KANSL1: variants seen among roughly 807,000 people sequenced by gnomAD.
KANSL1 encodes the protein MLL1/MLL complex subunit KANSL1.
A neutral mutation model predicts 103.6 loss-of-function variants in KANSL1; 22 were observed. That is an observed-to-expected ratio of 0.21 (90% CI 0.15 to 0.30). The LOEUF is 0.30. Among genes scored for constraint, KANSL1 ranks in the 10% least tolerant of loss-of-function variants. KANSL1 has a pLI of 1.00. For synonymous variants in KANSL1, 600 were observed against 527.6 expected, an observed-to-expected ratio of 1.14 and a Z score of -1.88; for missense variants, 1,337 against 1,399.8, an observed-to-expected ratio of 0.96 and a Z score of 0.72.
chr17:46,042,290 G>A (rs2077354178), intron 7 of KANSL1: 1 of 152,196 alleles, frequency 6.6e-6, no homozygotes, highest in African/African-American at 2.4e-5. Flanking sequence ...AGGATAAGAA[G>A]GCAGGGAAGA....
chr17:46,142,303 T>C (rs2044462320), intron 2 of KANSL1, among the ~76,000 whole-genome samples: 1 of 152,246 alleles, frequency 6.6e-6, no homozygotes, highest in Non-Finnish European at 1.5e-5. Flanking sequence ...TAAATATCTC[T>C]GCTTCAAAGA....
At chr17:46,124,465 TATC>T (rs1292991164) in intron 2 of KANSL1, among the ~76,000 whole-genome samples, 2 of 152,254 alleles carry the variant, frequency 1.3e-5, no homozygotes, top group African/African-American at 4.8e-5. Context: ...TAAATCCTGT[TATC>T]ATGCCTGTTA....
intron 2 of KANSL1, among the ~76,000 whole-genome samples, chr17:46,129,711 T>C (rs148472358): frequency 9.2e-5 from 14 of 152,298 alleles, no homozygotes; most frequent in Admixed American, 2.6e-4. Flanking sequence ...CTCTAAGTAT[T>C]TGCAAAATTG....
intron 2 of KANSL1, among the ~76,000 whole-genome samples, chr17:46,139,070 T>A (rs2044290811): frequency 6.6e-6 from 1 of 152,206 alleles, no homozygotes; most frequent in African/African-American, 2.4e-5. Flanking sequence ...TGCCAATTCA[T>A]TAAAAAGGAA....
intron 10 of KANSL1, chr17:46,037,427 AG>A (rs1172711435): frequency 6.6e-6 from 1 of 152,254 alleles, no homozygotes; most frequent in East Asian, 1.9e-4. Flanking sequence ...ACCTGATCAC[AG>A]GAGCCTAGTG....
chr17:46,070,244 C>A (rs959102799), intron 4 of KANSL1, among the ~76,000 whole-genome samples: 2 of 151,722 alleles, frequency 1.3e-5, no homozygotes, highest in Non-Finnish European at 2.9e-5. Flanking sequence ...TTGTGGTACA[C>A]CAAATCAAAA....
chr17:46,114,460 C>G (rs2042957125), intron 2 of KANSL1, among the ~76,000 whole-genome samples: 1 of 152,190 alleles, frequency 6.6e-6, no homozygotes. Flanking sequence ...TAAAGATTCC[C>G]TAACATGCAG....
Position 46,155,413 on chromosome 17 carries a change from C to G in KANSL1, c.1289+15442G>C, listed in dbSNP as rs1597823481. On this transcript the variant is annotated intron_variant, in intron 2 of 14. Coordinates refer to ENST00000432791, the MANE Select transcript of KANSL1 (RefSeq NM_015443.4). ...CCTCAAATGATTCGCCCACCTCGGCCTCCCAAAGTGCTGAGATTACAGGTG... is the reference window on the plus strand; with the variant it reads ...CCTCAAATGATTCGCCCACCTCGGCGTCCCAAAGTGCTGAGATTACAGGTG... Among the ~76,000 whole-genome samples, 4 of 152,192 alleles carry G rather than the reference C, an allele frequency of 2.6e-5. No homozygotes were observed. In the South Asian group the frequency reaches 8.3e-4, roughly 31 times the overall value.
chr17:46,096,302 C>CTTTTTTTTT (rs1273083741), intron 2 of KANSL1, among the ~76,000 whole-genome samples: 1 of 82,566 alleles, frequency 1.2e-5, no homozygotes, highest in East Asian at 5.9e-4. Flanking sequence ...ACATACCTGG[C>CTTTTTTTTT]TTTTTTTTCT....
In KANSL1 at chr17:46,105,865, TCACACACACA is replaced by T. The variant is rs373943708; in HGVS notation, c.1290-11174_1290-11165del. On this transcript the variant is annotated intron_variant, in intron 2 of 14. Coordinates refer to ENST00000432791, the MANE Select transcript of KANSL1 (RefSeq NM_015443.4). The stretch of plus-strand genomic sequence containing the variant: ...CAGCCTGGGCAGCACAGCAAGACCT[TCACACACACA>T]CACACACACACACACACAGAGCAAG... Among the ~76,000 whole-genome samples the T allele has an allele frequency of 3.3e-3, 443 of 134,604 alleles. 2 individuals are homozygous for T. The highest frequency in any genetic ancestry group is 4.7e-3 in the Non-Finnish European group (298 of 63,966). The allele number at this position is 134,604 out of a possible 152,430, so 88.3% of individuals were successfully genotyped here.
chr17:46,107,360 G>A (rs2042612375), intron 2 of KANSL1, among the ~76,000 whole-genome samples: 1 of 152,120 alleles, frequency 6.6e-6, no homozygotes, highest in Non-Finnish European at 1.5e-5. Flanking sequence ...TTGCACCAAA[G>A]CTGCTGGTCA....
intron 4 of KANSL1, among the ~76,000 whole-genome samples, chr17:46,080,312 TAAAA>T (rs35520207): frequency 2.0e-3 from 153 of 77,770 alleles, no homozygotes; most frequent in African/African-American, 6.6e-3. Flanking sequence ...GAGCCTGTCT[TAAAA>T]AAAAAAAAAA....
intron 2 of KANSL1, among the ~76,000 whole-genome samples, chr17:46,128,788 T>C (rs1224758718): frequency 1.3e-5 from 2 of 152,164 alleles, no homozygotes; most frequent in Non-Finnish European, 2.9e-5. Context: ...CAGACAGAAC[T>C]TGGATCCTCT....
intron 6 of KANSL1, among the ~76,000 whole-genome samples, chr17:46,054,293 A>T (rs1466946421): frequency 6.6e-6 from 1 of 152,148 alleles, no homozygotes; most frequent in Non-Finnish European, 1.5e-5. Context: ...ACCTCAGATG[A>T]TCCACCCGTA....
chr17:46,144,756 T>TGATGATA lies in KANSL1; in HGVS notation c.1289+26098_1289+26099insTATCATC, dbSNP rs1355801800. ...AGTAGTGATGATTTTGCTTTTTCAG[T>TGATGATA]CCCCTCCTCACAAACAAATGATGAT... is the stretch of plus-strand genomic sequence containing the variant. On this transcript the variant is annotated intron_variant, in intron 2 of 14. Coordinates refer to ENST00000432791, the MANE Select transcript of KANSL1 (RefSeq NM_015443.4). Among the ~76,000 whole-genome samples the TGATGATA allele has an allele frequency of 7.4e-3, 1,132 of 152,248 alleles. 22 individuals are homozygous for TGATGATA. Among genetic ancestry groups the TGATGATA allele is most frequent in the African/African-American group, 0.026 (1,068 of 41,512 alleles).
rs2046383971 is a variant in KANSL1 at position 46,173,550 on chromosome 17, TC to T, written c.-89-1319del. 4.6e-5 allele frequency among the ~76,000 whole-genome samples: 7 copies of T among 152,238 alleles called. No individual in the cohort carries two copies. In the South Asian group the frequency reaches 1.4e-3, roughly 31 times the overall value. ...TGTGGTCTCTGGACTTCTGGGGATC[TC>T]ACAGGCTATTTTGGAGGTTCGTGAA... On this transcript the variant is annotated intron_variant, in intron 1 of 14. Transcript: ENST00000432791.
At chr17:46,120,051 T>TGAA (rs138190012) in intron 2 of KANSL1, 21,637 of 151,996 alleles carry the variant, frequency 0.14, 2,107 homozygotes, top group Non-Finnish European at 0.22. Flanking sequence ...GCTTTATTTC[T>TGAA]GAAGAAGAAG....
chr17:46,080,614 T>A (rs1429238726), intron 4 of KANSL1, among the ~76,000 whole-genome samples: 1 of 152,204 alleles, frequency 6.6e-6, no homozygotes, highest in African/African-American at 2.4e-5. Flanking sequence ...TTTGGCATTT[T>A]AAAAATTTAA....
At chr17:46,217,736 A>G (rs968847846) in intron 1 of KANSL1, among the ~76,000 whole-genome samples, 2 of 152,204 alleles carry the variant, frequency 1.3e-5, no homozygotes. Context: ...AAAAAATACA[A>G]AATTTAGGCT....
Sources: gnomAD v4.1 joint callset for allele counts (sites outside exome capture counted in the v4.1 genomes callset) on GRCh38, gnomAD v4.1.1 for gene constraint, MANE v1.5 for transcripts, NCBI Gene and HGNC (gene_info 2026-07-23, HGNC 2026-07-21) for gene names.